The following TACR3 variants were observed in gnomAD, a reference collection of about 807,000 sequenced individuals.
TACR3 encodes the protein neuromedin-K receptor.
A neutral mutation model predicts 35.0 loss-of-function variants in TACR3; 34 were observed. That is an observed-to-expected ratio of 0.97 (90% CI 0.74 to 1.30). The LOEUF (loss-of-function observed/expected upper bound fraction) is 1.30. Ranked by LOEUF, TACR3 falls within the 50% of genes most tolerant of loss-of-function variation. The pLI, the probability that TACR3 is intolerant of heterozygous loss-of-function variation, is 0.00. For missense variants in TACR3, 558 were observed against 591.7 expected (o/e 0.94, Z 0.59); for synonymous variants, 233 against 221.1 (o/e 1.05, Z -0.48).
intron 3 of TACR3, among the ~76,000 whole-genome samples, chr4:103,614,732 G>A (rs1462995634): frequency 8.7e-6 from 1 of 114,520 alleles, no homozygotes; most frequent in African/African-American, 4.0e-5. Context: ...AAATGAAAAT[G>A]TGAATGCCAA....
intron 1 of TACR3, among the ~76,000 whole-genome samples, chr4:103,674,225 A>G (rs12649621): frequency 0.15 from 23,427 of 151,974 alleles, 2,348 homozygotes; most frequent in East Asian, 0.43. Context: ...ATGAGTAAAA[A>G]CTCAGATTAC....
At chr4:103,693,402 T>C (rs753736405) in intron 1 of TACR3, among the ~76,000 whole-genome samples, 1 of 152,208 alleles carries the variant, frequency 6.6e-6, no homozygotes, top group Non-Finnish European at 1.5e-5. Context: ...GTGTACTAAT[T>C]GCCAAAATAA....
chr4:103,614,471 T>C (rs776847960), intron 3 of TACR3, among the ~76,000 whole-genome samples: 4 of 152,206 alleles, frequency 2.6e-5, no homozygotes, highest in Admixed American at 6.5e-5. Context: ...TGAGCAGTGG[T>C]ATATGTTTAA....
At chr4:103,693,347 C>T (rs528765928) in intron 1 of TACR3, among the ~76,000 whole-genome samples, 12 of 152,214 alleles carry the variant, frequency 7.9e-5, no homozygotes, top group South Asian at 2.1e-4. Flanking sequence ...TATGGGCAGA[C>T]ACACAGAGGT....
chr4:103,629,870 AACAAAAAAAAC>A (rs1258119147), intron 3 of TACR3, among the ~76,000 whole-genome samples: 21 of 108,296 alleles, frequency 1.9e-4, no homozygotes, highest in African/African-American at 7.4e-4. Flanking sequence ...ACAAAAAAAA[AACAAAAAAAAC>A]AACAACAACA....
At chr4:103,595,876 A>G (rs1421709637) in intron 3 of TACR3, among the ~76,000 whole-genome samples, 1 of 147,096 alleles carries the variant, frequency 6.8e-6, no homozygotes, top group African/African-American at 2.5e-5. Flanking sequence ...CATTAGGTAT[A>G]TCTCCCAATG....
chr4:103,602,205 C>T (rs965454620), intron 3 of TACR3, among the ~76,000 whole-genome samples: 5 of 152,292 alleles, frequency 3.3e-5, no homozygotes, highest in Non-Finnish European at 5.9e-5. Context: ...GCATTCGTCA[C>T]GTAGCTCTCG....
chr4:103,617,693 G>A (rs1161429269), intron 3 of TACR3, among the ~76,000 whole-genome samples: 2 of 152,114 alleles, frequency 1.3e-5, no homozygotes, highest in Non-Finnish European at 2.9e-5. Context: ...GTTTATTTGA[G>A]TCATAAATAT....
At chr4:103,600,133 G>T (rs910621619) in intron 3 of TACR3, among the ~76,000 whole-genome samples, 5 of 151,076 alleles carry the variant, frequency 3.3e-5, no homozygotes, top group Admixed American at 1.3e-4. Context: ...CAATTTCACA[G>T]CCTGTTATTG....
At chr4:103,608,391 T>C (rs926108952) in intron 3 of TACR3, among the ~76,000 whole-genome samples, 1 of 151,966 alleles carries the variant, frequency 6.6e-6, no homozygotes, top group Non-Finnish European at 1.5e-5. Context: ...GAACAATAGA[T>C]ACTGTAGACT....
At chr4:103,703,006 C>G (rs1722695247) in intron 1 of TACR3, among the ~76,000 whole-genome samples, 1 of 151,788 alleles carries the variant, frequency 6.6e-6, no homozygotes, top group African/African-American at 2.4e-5. Flanking sequence ...ACATATGTAA[C>G]AAACCTGCGC....
chr4:103,601,990 T>G (rs952347566), intron 3 of TACR3, among the ~76,000 whole-genome samples: 6 of 152,238 alleles, frequency 3.9e-5, no homozygotes, highest in African/African-American at 1.4e-4. Flanking sequence ...TTTTCCAACT[T>G]GGTTCCAATC....
At chr4:103,620,361 A>AACTT (rs1724747716) in intron 3 of TACR3, among the ~76,000 whole-genome samples, 1 of 152,228 alleles carries the variant, frequency 6.6e-6, no homozygotes, top group African/African-American at 2.4e-5. Context: ...TTTCTCAAAG[A>AACTT]ACTTAAAATA....
At chr4:103,636,377 G>C (rs74483943) in intron 3 of TACR3, among the ~76,000 whole-genome samples, 6 of 151,814 alleles carry the variant, frequency 4.0e-5, no homozygotes, top group Admixed American at 4.0e-4. Context: ...TTTTTTCTGA[G>C]AATTAATTTT....
At chr4:103,627,746 G>T (rs1053117618) in intron 3 of TACR3, among the ~76,000 whole-genome samples, 1 of 152,000 alleles carries the variant, frequency 6.6e-6, no homozygotes, top group Admixed American at 6.6e-5. Flanking sequence ...AAGACAGAAG[G>T]TTAACAAGGA....
intron 4 of TACR3, chr4:103,591,130 T>C (rs913093158): frequency 7.1e-6 from 2 of 280,590 alleles, no homozygotes; most frequent in Non-Finnish European, 6.8e-6. Flanking sequence ...TTCTAGGAAG[T>C]AACTTCATTT....
intron 1 of TACR3, among the ~76,000 whole-genome samples, chr4:103,687,447 A>G (rs1234830426): frequency 1.3e-5 from 2 of 152,154 alleles, no homozygotes; most frequent in African/African-American, 2.4e-5. Flanking sequence ...GGAAAAGAGG[A>G]AGTCAAATTG....
chr4:103,696,109 T>A (rs899237492), intron 1 of TACR3, among the ~76,000 whole-genome samples: 1 of 152,098 alleles, frequency 6.6e-6, no homozygotes. Context: ...CTAAATAGTG[T>A]GGAAGTCTGA....
chr4:103,610,018 T>C (rs1724476978), intron 3 of TACR3, among the ~76,000 whole-genome samples: 1 of 152,176 alleles, frequency 6.6e-6, no homozygotes, highest in Non-Finnish European at 1.5e-5. Flanking sequence ...CATGCATCTC[T>C]TGGTGGACAC....
Sources: gnomAD v4.1 joint callset for allele counts (sites outside exome capture counted in the v4.1 genomes callset) on GRCh38, gnomAD v4.1.1 for gene constraint, MANE v1.5 for transcripts, NCBI Gene and HGNC (gene_info 2026-07-23, HGNC 2026-07-21) for gene names.